The following IRF6 variants were observed in gnomAD, a reference collection of about 807,000 sequenced individuals.
IRF6 encodes interferon regulatory factor 6.
In IRF6, 6 loss-of-function variants were observed where a neutral mutation model predicts 51.4. The observed-to-expected ratio is 0.12, with a 90% CI of 0.06 to 0.23. IRF6 has a LOEUF of 0.23. Among genes scored for constraint, IRF6 ranks in the 10% least tolerant of loss-of-function variants. IRF6 has a pLI of 1.00. For missense variants in IRF6, 348 were observed against 585.2 expected (o/e 0.59, Z 4.18); for synonymous variants, 178 against 215.7 (o/e 0.83, Z 1.53).
At chr1:209,789,049 G>C (rs530205487) in intron 8 of IRF6, among the ~76,000 whole-genome samples, 1 of 152,350 alleles carries the variant, frequency 6.6e-6, no homozygotes, top group East Asian at 1.9e-4. Context: ...GAAAGGGCCA[G>C]GTATCGTGGC....
In IRF6 at chr1:209,788,115, C is replaced by T. The variant is rs1340575275; in HGVS notation, c.*305G>A. ...AATCTGAAGCCCAGAGGTTAAAGGA[C>T]TTGTTCAAGGTCACATTGGAAGCAA... On this transcript the variant is annotated 3_prime_UTR_variant, in exon 9 of 9. Coordinates refer to ENST00000367021, the MANE Select transcript of IRF6 (RefSeq NM_006147.4). The T allele has an allele frequency of 2.5e-6, 1 of 406,826 alleles. No homozygotes were observed. Among genetic ancestry groups the T allele is most frequent in the Non-Finnish European group, 4.5e-6 (1 of 221,234 alleles). The allele number at this position is 406,826 out of a possible 1,614,324, so 25.2% of individuals were successfully genotyped here.
chr1:209,789,351 TTG>T (rs57430923), intron 8 of IRF6, among the ~76,000 whole-genome samples: 73 of 147,004 alleles, frequency 5.0e-4, no homozygotes, highest in South Asian at 1.1e-3. Context: ...GCAATTTACA[TTG>T]TGTGTGTGTG....
chr1:209,800,573 A>G (rs1244019133), intron 3 of IRF6, among the ~76,000 whole-genome samples: 2 of 152,140 alleles, frequency 1.3e-5, no homozygotes, highest in African/African-American at 4.8e-5. Flanking sequence ...CCTGGGCAAC[A>G]TGGTGAAACC....
rs73091663 is a variant in IRF6 at position 209,787,862 on chromosome 1, G to A, written c.*558C>T. Reference sequence around the variant, plus strand: ...TCCCTCTCACTTCCCCCATCAGGGAGCCAGCTTACTATACTAGCAGAACAG... The same window carrying A: ...TCCCTCTCACTTCCCCCATCAGGGAACCAGCTTACTATACTAGCAGAACAG... On this transcript the variant is annotated 3_prime_UTR_variant, in exon 9 of 9. Coordinates refer to ENST00000367021, the MANE Select transcript of IRF6 (RefSeq NM_006147.4). 2,729 of 153,642 alleles carry A rather than the reference G, an allele frequency of 0.018. 99 individuals carry two copies. The highest frequency in any genetic ancestry group is 0.062 in the African/African-American group (2,583 of 41,518). The allele number at this position is 153,642 out of a possible 1,614,324, so 9.5% of individuals were successfully genotyped here.
chr1:209,801,258 C>T lies in IRF6; in HGVS notation c.156G>A (p.Glu52=). ...CCTTTACCTTAAAAATGGTATTTTC[C>T]TCTTCTTGTTGAGGGCTATGCCGGG... ...HATRHSPQQE[E]ENTIFKAWAV... The change falls in exon 3 of 9, where the codon GAG becomes GAA. Residue 52 remains glutamate, a synonymous_variant. Coordinates refer to ENST00000367021, the MANE Select transcript of IRF6 (RefSeq NM_006147.4). The T allele has an allele frequency of 6.2e-7, 1 of 1,612,654 alleles. No individual in the cohort carries two copies. The highest frequency in any genetic ancestry group is 1.1e-5 in the South Asian group (1 of 91,042).
intron 5 of IRF6, 187 bp from the exon 6 acceptor site, chr1:209,792,614 T>C (rs962442335): frequency 1.6e-6 from 1 of 621,548 alleles, no homozygotes; most frequent in South Asian, 2.0e-5. Flanking sequence ...TGCTCCTGCT[T>C]CCTAGTCATA....
intron 3 of IRF6, 100 bp downstream of exon 3, chr1:209,801,140 T>C: frequency 9.3e-7 from 1 of 1,069,634 alleles, no homozygotes; most frequent in Non-Finnish European, 1.4e-6. Flanking sequence ...ATAAGCATTC[T>C]CTCTGTTTCA....
At chr1:209,792,455 C>T in intron 5 of IRF6, 28 bp from the exon 6 acceptor site, 2 of 1,611,034 alleles carry the variant, frequency 1.2e-6, no homozygotes, top group Non-Finnish European at 1.7e-6. Flanking sequence ...GGTGAGCAGA[C>T]AGGGGTACCA....
chr1:209,804,728 A>T (rs1392577009), intron 1 of IRF6, among the ~76,000 whole-genome samples: 2 of 151,724 alleles, frequency 1.3e-5, no homozygotes, highest in African/African-American at 2.4e-5. Context: ...CCTCTCCCAT[A>T]CCCCTATTCT....
chr1:209,793,461 G>A (rs915655225), intron 5 of IRF6, among the ~76,000 whole-genome samples: 1 of 152,130 alleles, frequency 6.6e-6, no homozygotes, highest in Admixed American at 6.6e-5. Context: ...ATCCTTTTAG[G>A]GGGTGAGAAT....
intron 6 of IRF6, 124 bp from the exon 7 acceptor site, chr1:209,791,011 T>G: frequency 6.3e-7 from 1 of 1,580,504 alleles, no homozygotes; most frequent in South Asian, 1.1e-5. Context: ...GCCACTGCCA[T>G]AGTTATCCTT....
intron 6 of IRF6, among the ~76,000 whole-genome samples, chr1:209,791,357 A>T (rs1264313399): frequency 6.6e-6 from 1 of 152,258 alleles, no homozygotes; most frequent in Non-Finnish European, 1.5e-5. Context: ...CTCTAATAAT[A>T]TACCATAAAA....
rs1239239111 is a variant in IRF6, at chr1:209,787,931, C to CT, written c.*488dup. 5 of 174,514 alleles carry CT rather than the reference C, an allele frequency of 2.9e-5. 1 individual carries two copies. Among genetic ancestry groups the CT allele is most frequent in the Admixed American group, 5.5e-5 (1 of 18,100 alleles). The allele number at this position is 174,514 out of a possible 1,614,324, so 10.8% of individuals were successfully genotyped here. ...CTGGACAAATCAGTGCTTGAGGAAA[C>CT]TTTAACAAAACCAAGGAAAAATGTG... On this transcript the variant is annotated 3_prime_UTR_variant, in exon 9 of 9. Coordinates refer to ENST00000367021, the MANE Select transcript of IRF6 (RefSeq NM_006147.4).
In IRF6 at chr1:209,789,750, G is replaced by C. The variant is rs959068423; in HGVS notation, c.1096C>G (p.Gln366Glu). 2.5e-6 allele frequency: 4 copies of C among 1,613,916 alleles called. No homozygotes were observed. The highest frequency in any genetic ancestry group is 2.5e-6 in the Non-Finnish European group (3 of 1,179,968). Residue 366 changes from glutamine to glutamate, a missense_variant, in exon 8 of 9, where the codon CAG becomes GAG. Physicochemically the swap from Gln to Glu is conservative, Grantham distance 29. Transcript: ENST00000367021. ...CATAAGTAGATCTCAAACGGTGGCT[G>C]CTTCTCTATCTGTCCTTTCTGGTGG... ...IAHQKGQIEK[Q>E]PPFEIYLCFG... is the part of the protein sequence containing the mutation.
rs1414732092 is a variant in IRF6 at position 209,787,057 on chromosome 1, A to AT, written c.*1362dup. The AT allele has an allele frequency of 6.5e-6, 1 of 153,166 alleles. No homozygotes were observed. The highest frequency in any genetic ancestry group is 1.5e-5 in the Non-Finnish European group (1 of 68,948). 9.5% of individuals were successfully genotyped at this position (153,166 alleles called of 1,614,324 possible). On this transcript the variant is annotated 3_prime_UTR_variant, in exon 9 of 9. Transcript: ENST00000367021. ...ATAGCAAGACCTCATCTCTACAAAA[A>AT]TAAAAAAAAAATTAGCCAAGCATCA...
chr1:209,805,126 G>A (rs1016392507), intron 1 of IRF6, among the ~76,000 whole-genome samples: 1 of 127,606 alleles, frequency 7.8e-6, no homozygotes, highest in Non-Finnish European at 1.8e-5. Context: ...CACACTCCTG[G>A]GTCAACACCA....
rs1032548892 is a variant in IRF6, at chr1:209,796,836, C to T, written c.175-284G>A. ...GGAACCTTATCTCAAGCACTGGTAC[C>T]GGCACTCATCAAGACGACAATGCTC... is the stretch of plus-strand genomic sequence containing the variant. On this transcript the variant is annotated intron_variant, in intron 3 of 8. Coordinates refer to ENST00000367021, the MANE Select transcript of IRF6 (RefSeq NM_006147.4). The surrounding 1 kb of genome is among the most constrained non-coding windows in gnomAD (Gnocchi z 4.5). Among the ~76,000 whole-genome samples, 3 of 152,164 alleles carry T rather than the reference C, an allele frequency of 2.0e-5. No individual in the cohort carries two copies. Among genetic ancestry groups the T allele is most frequent in the East Asian group, 1.9e-4 (1 of 5,184 alleles).
At chr1:209,800,848 T>A (rs528538059) in intron 3 of IRF6, among the ~76,000 whole-genome samples, 2 of 152,214 alleles carry the variant, frequency 1.3e-5, no homozygotes, top group African/African-American at 4.8e-5. Context: ...CACCTGATAG[T>A]TCTGTCCTGG....
chr1:209,797,802 T>C (rs1309084391), intron 3 of IRF6, among the ~76,000 whole-genome samples: 1 of 152,180 alleles, frequency 6.6e-6, no homozygotes, highest in African/African-American at 2.4e-5. Context: ...CTCTCCCCCA[T>C]TGCTAACAAG....
Sources: allele counts gnomAD v4.1 joint callset (sites outside exome capture counted in the v4.1 genomes callset), GRCh38; gene constraint gnomAD v4.1.1; non-coding constraint Gnocchi (gnomAD v3.1); transcripts MANE v1.5; gene names NCBI Gene and HGNC (gene_info 2026-07-23, HGNC 2026-07-21).